DCC: variants seen among roughly 807,000 people sequenced by gnomAD.
DCC encodes the protein DCC netrin 1 receptor.
In DCC, 58 loss-of-function variants were observed where a neutral mutation model predicts 172.5. The observed-to-expected ratio is 0.34, with a 90% CI of 0.27 to 0.42. DCC has a LOEUF of 0.42. DCC is among the 10% of genes least tolerant of loss of function. The pLI, the probability that DCC is intolerant of heterozygous loss-of-function variation, is 1.00. For missense variants in DCC, 1,740 were observed against 1,791.0 expected (o/e 0.97, Z 0.51); for synonymous variants, 709 against 644.5 (o/e 1.10, Z -1.52).
chr18:52,976,607 AAATGT>A (rs1195946620), intron 5 of DCC, among the ~76,000 whole-genome samples: 1 of 152,206 alleles, frequency 6.6e-6, no homozygotes, highest in Non-Finnish European at 1.5e-5. Context: ...GCTCATTTAC[AAATGT>A]AATCTCTCCC....
intron 1 of DCC, among the ~76,000 whole-genome samples, chr18:52,426,500 T>C (rs1468847007): frequency 6.6e-6 from 1 of 152,016 alleles, no homozygotes; most frequent in East Asian, 1.9e-4. Flanking sequence ...AAAGAGTCTA[T>C]GTTTTCCCAG....
intron 1 of DCC, among the ~76,000 whole-genome samples, chr18:52,738,439 T>C (rs768441048): frequency 6.6e-6 from 1 of 152,168 alleles, no homozygotes; most frequent in Non-Finnish European, 1.5e-5. Flanking sequence ...AACATGATGG[T>C]ATTTGTGTAT....
intron 7 of DCC, among the ~76,000 whole-genome samples, chr18:53,152,790 A>G (rs2054663122): frequency 6.6e-6 from 1 of 152,238 alleles, no homozygotes; most frequent in South Asian, 2.1e-4. Flanking sequence ...GAGAGAAAGC[A>G]TGGAGGATTA....
In DCC at chr18:53,533,736, G is replaced by A. The variant is rs1399247717; in HGVS notation, c.*3083G>A. Reference sequence around the variant, plus strand: ...ATTTAAATAATGAAGTTTTACATTTGGGTATTATAAAATGCATACTCAATT... The same window carrying A: ...ATTTAAATAATGAAGTTTTACATTTAGGTATTATAAAATGCATACTCAATT... On this transcript the variant is annotated 3_prime_UTR_variant, in exon 29 of 29. Coordinates refer to ENST00000442544, the MANE Select transcript of DCC (RefSeq NM_005215.4). 6.6e-6 allele frequency: 1 copy of A among 151,934 alleles called. No individual in the cohort carries two copies. Among genetic ancestry groups the A allele is most frequent in the South Asian group, 2.1e-4 (1 of 4,816 alleles). The allele number at this position is 151,934 out of a possible 1,614,324, so 9.4% of individuals were successfully genotyped here. A position where few individuals can be genotyped will look rare whatever the true frequency, so the allele number is the denominator to read the frequency against.
At chr18:52,491,003 A>G (rs1240523775) in intron 1 of DCC, among the ~76,000 whole-genome samples, 1 of 152,104 alleles carries the variant, frequency 6.6e-6, no homozygotes. Context: ...GTAAATACAC[A>G]CAGAAGGGGG....
intron 1 of DCC, among the ~76,000 whole-genome samples, chr18:52,605,185 A>G (rs74949935): frequency 0.02 from 3,029 of 152,250 alleles, 42 homozygotes; most frequent in African/African-American, 0.032. Context: ...AAATGTGAAG[A>G]TGCGGGTGGA....
Position 52,681,044 on chromosome 18 carries a change from T to C in DCC, c.92-71010T>C, listed in dbSNP as rs550427946. On this transcript the variant is annotated intron_variant, in intron 1 of 28. Coordinates refer to ENST00000442544, the MANE Select transcript of DCC (RefSeq NM_005215.4). ...TATTGGTGGTGGGGTCGGCATTTAT[T>C]AAGTGCTTACTCTATATCAGACTTT... Among the ~76,000 whole-genome samples, 8 of 152,202 alleles carry C rather than the reference T, an allele frequency of 5.3e-5. No individual in the cohort carries two copies. The East Asian group carries it at 1.5e-3, about 29-fold the overall frequency.
At chr18:53,087,918 T>C (rs1207580213) in intron 7 of DCC, among the ~76,000 whole-genome samples, 4 of 151,944 alleles carry the variant, frequency 2.6e-5, no homozygotes, top group South Asian at 2.1e-4. Flanking sequence ...GTTGTAGATA[T>C]GCGACGTTAT....
intron 2 of DCC, among the ~76,000 whole-genome samples, chr18:52,777,296 C>G (rs773860640): frequency 9.8e-6 from 1 of 102,414 alleles, no homozygotes; most frequent in Non-Finnish European, 2.1e-5. Context: ...CAGGAGGGAC[C>G]ACAGTGGCCC....
At chr18:52,644,041 A>G (rs1489287016) in intron 1 of DCC, among the ~76,000 whole-genome samples, 1 of 152,098 alleles carries the variant, frequency 6.6e-6, no homozygotes, top group Non-Finnish European at 1.5e-5. Flanking sequence ...AGTCCATATG[A>G]AATCCATATA....
chr18:53,046,682 C>T (rs1227691998), intron 5 of DCC, among the ~76,000 whole-genome samples: 1 of 151,928 alleles, frequency 6.6e-6, no homozygotes, highest in Non-Finnish European at 1.5e-5. Flanking sequence ...AACTTGAAAA[C>T]ACAGATTACA....
intron 1 of DCC, among the ~76,000 whole-genome samples, chr18:52,366,368 C>A (rs560316767): frequency 6.6e-6 from 1 of 152,138 alleles, no homozygotes; most frequent in Non-Finnish European, 1.5e-5. Context: ...GGGACCCGAG[C>A]GGGTTGCCAA....
chr18:52,986,851 C>CACACAT (rs1372894692), intron 5 of DCC, among the ~76,000 whole-genome samples: 5 of 150,644 alleles, frequency 3.3e-5, no homozygotes, highest in Non-Finnish European at 7.4e-5. Context: ...CACACACACA[C>CACACAT]ACACACAAAC....
intron 2 of DCC, chr18:52,892,448 C>T (rs570746926): frequency 1.3e-5 from 2 of 152,152 alleles, no homozygotes; most frequent in East Asian, 1.9e-4. Context: ...GGAGAATGAC[C>T]CCACAACTGA....
At chr18:53,196,809 G>A (rs7230446) in intron 9 of DCC, among the ~76,000 whole-genome samples, 69,617 of 151,794 alleles carry the variant, frequency 0.46, 16,930 homozygotes, top group Non-Finnish European at 0.52. Context: ...GGTAAAATGA[G>A]CAGGTAATAA....
At chr18:52,810,485 G>A (rs180769420) in intron 2 of DCC, among the ~76,000 whole-genome samples, 295 of 152,262 alleles carry the variant, frequency 1.9e-3, no homozygotes, top group African/African-American at 6.7e-3. Context: ...TATATTGAAC[G>A]GTGAGGAGGG....
chr18:52,820,676 G>A (rs539551289), intron 2 of DCC, among the ~76,000 whole-genome samples: 1 of 152,108 alleles, frequency 6.6e-6, no homozygotes, highest in Non-Finnish European at 1.5e-5. Context: ...GTTCAAATAG[G>A]ATCAGTAACC....
rs1297827526 is a variant in DCC at position 53,425,352 on chromosome 18, CCT to C, written c.3163+9201_3163+9202del. On this transcript the variant is annotated intron_variant, in intron 21 of 28. Coordinates refer to ENST00000442544, the MANE Select transcript of DCC (RefSeq NM_005215.4). Reference sequence around the variant, plus strand: ...TCTGTCCACAATTTTCCCCGTTTCTCCTCTCTTTTTTTTTTTTTTTTTTTTGA... The same window carrying C: ...TCTGTCCACAATTTTCCCCGTTTCTCCTCTTTTTTTTTTTTTTTTTTTTGA... Among the ~76,000 whole-genome samples, 287 of 103,128 alleles carry C rather than the reference CCT, an allele frequency of 2.8e-3. 2 individuals are homozygous for C. Among genetic ancestry groups the C allele is most frequent in the African/African-American group, 8.0e-3 (270 of 33,738 alleles). The allele number at this position is 103,128 out of a possible 152,430, so 67.7% of individuals were successfully genotyped here. A position where few individuals can be genotyped will look rare whatever the true frequency, so the allele number is the denominator to read the frequency against.
chr18:52,542,610 C>A (rs1410069141), intron 1 of DCC, among the ~76,000 whole-genome samples: 1 of 152,042 alleles, frequency 6.6e-6, no homozygotes, highest in African/African-American at 2.4e-5. Flanking sequence ...CCGAGGTGGG[C>A]AGATCACTTG....
Sources: allele counts gnomAD v4.1 joint callset (sites outside exome capture counted in the v4.1 genomes callset), GRCh38; gene constraint gnomAD v4.1.1; transcripts MANE v1.5; gene names NCBI Gene and HGNC (gene_info 2026-07-23, HGNC 2026-07-21).